The following CSNK1G1 variants were observed in gnomAD, a reference collection of about 807,000 sequenced individuals.
CSNK1G1 encodes casein kinase 1 gamma 1.
Under a neutral mutation model 59.6 loss-of-function variants are expected in CSNK1G1, and 22 were observed. The ratio of observed to expected loss-of-function variants is 0.37; its 90% CI spans 0.26 to 0.53. The LOEUF is 0.53. Among genes scored for constraint, CSNK1G1 ranks in the 20% least tolerant of loss-of-function variants. The probability of loss-of-function intolerance (pLI) is 0.89; values close to 1 mark genes in which losing one functional copy is unlikely to be tolerated. For missense variants in CSNK1G1, 384 were observed against 519.5 expected (o/e 0.74, Z 2.54); for synonymous variants, 179 against 177.1 (o/e 1.01, Z -0.08).
chr15:64,224,370 A>T (rs1341004609), intron 4 of CSNK1G1, among the ~76,000 whole-genome samples: 1 of 152,222 alleles, frequency 6.6e-6, no homozygotes, highest in Non-Finnish European at 1.5e-5. Context: ...ACCCTTAGCA[A>T]GAAATCAGAA....
chr15:64,269,695 T>C (rs1412032445), intron 2 of CSNK1G1, among the ~76,000 whole-genome samples: 1 of 152,164 alleles, frequency 6.6e-6, no homozygotes, highest in Admixed American at 6.6e-5. Context: ...GGTTTTGCCA[T>C]GTTGGCCAGA....
At chr15:64,191,179 A>C (rs1048551104) in intron 10 of CSNK1G1, among the ~76,000 whole-genome samples, 3 of 152,150 alleles carry the variant, frequency 2.0e-5, no homozygotes, top group African/African-American at 7.2e-5. Flanking sequence ...CTCCTGCCTC[A>C]GCCTCCCGAG....
chr15:64,180,687 C>G (rs1303575014), intron 10 of CSNK1G1, among the ~76,000 whole-genome samples: 1 of 152,206 alleles, frequency 6.6e-6, no homozygotes, highest in Non-Finnish European at 1.5e-5. Context: ...GTGTCTGACA[C>G]TCTGCTACAT....
chr15:64,301,881 C>T (rs1483407138), intron 1 of CSNK1G1, among the ~76,000 whole-genome samples: 2 of 150,136 alleles, frequency 1.3e-5, no homozygotes, highest in African/African-American at 2.5e-5. Context: ...AGTGAGACTC[C>T]GTCTCAAAAA....
At chr15:64,204,791 C>A in intron 8 of CSNK1G1, 74 bp downstream of exon 8, 2 of 1,163,070 alleles carry the variant, frequency 1.7e-6, no homozygotes, top group Non-Finnish European at 2.6e-6. Context: ...GCACCCCTAT[C>A]TAGAGATACC....
chr15:64,196,347 C>T (rs1430517425), intron 10 of CSNK1G1, among the ~76,000 whole-genome samples: 1 of 152,038 alleles, frequency 6.6e-6, no homozygotes, highest in Non-Finnish European at 1.5e-5. Flanking sequence ...CCAAACAGTA[C>T]TCAATTCAAT....
chr15:64,306,691 G>A (rs1487395664), intron 1 of CSNK1G1, among the ~76,000 whole-genome samples: 1 of 152,168 alleles, frequency 6.6e-6, no homozygotes, highest in Non-Finnish European at 1.5e-5. Flanking sequence ...AACGTTTACA[G>A]CAGCTTCATT....
At chr15:64,281,728 T>C (rs932864480) in intron 2 of CSNK1G1, among the ~76,000 whole-genome samples, 2 of 151,366 alleles carry the variant, frequency 1.3e-5, no homozygotes, top group Non-Finnish European at 2.9e-5. Flanking sequence ...TAATCTCTGC[T>C]ACTCAGGAGG....
intron 2 of CSNK1G1, among the ~76,000 whole-genome samples, chr15:64,299,461 G>A (rs1006876179): frequency 4.6e-5 from 7 of 151,818 alleles, no homozygotes; most frequent in Non-Finnish European, 1.5e-5. Flanking sequence ...GCGTGGTGGC[G>A]GATGCCTGTA....
At chr15:64,326,661 G>C (rs545125113) in intron 1 of CSNK1G1, among the ~76,000 whole-genome samples, 1 of 151,996 alleles carries the variant, frequency 6.6e-6, no homozygotes, top group East Asian at 1.9e-4. Context: ...AAAAAAGTAG[G>C]GGGGAGGAGC....
At chr15:64,241,985 A>C (rs1478818936) in intron 4 of CSNK1G1, among the ~76,000 whole-genome samples, 1 of 152,144 alleles carries the variant, frequency 6.6e-6, no homozygotes. Context: ...AAAAATGAGA[A>C]GACTCAAATA....
At position 64,169,630 on chromosome 15, in the gene CSNK1G1, A is replaced by G. The variant is rs1046744692; in HGVS notation, c.*2301T>C. ...GTAAGTTAGCAATGCCCAAATCCCA[A>G]CTGAGAAACGATGTAAATTTTAGTG... On this transcript the variant is annotated 3_prime_UTR_variant, in exon 12 of 12. Coordinates refer to ENST00000303052, the MANE Select transcript of CSNK1G1 (RefSeq NM_022048.5). 2 of 152,228 alleles carry G rather than the reference A, an allele frequency of 1.3e-5. No homozygotes were observed. The highest frequency in any genetic ancestry group is 2.9e-5 in the Non-Finnish European group (2 of 68,042). 9.4% of individuals were successfully genotyped at this position (152,228 alleles called of 1,614,324 possible).
At chr15:64,270,230 A>T (rs562220747) in intron 2 of CSNK1G1, among the ~76,000 whole-genome samples, 38 of 147,148 alleles carry the variant, frequency 2.6e-4, no homozygotes, top group Non-Finnish European at 5.4e-4. Flanking sequence ...CTATTTATCA[A>T]TTTTTTTTTT....
intron 1 of CSNK1G1, among the ~76,000 whole-genome samples, chr15:64,303,687 T>C (rs1288291683): frequency 2.7e-5 from 4 of 149,638 alleles, no homozygotes; most frequent in African/African-American, 2.5e-5. Context: ...AGGAGACAGG[T>C]TGCAGTGAGC....
At chr15:64,288,961 T>C (rs1894581760) in intron 2 of CSNK1G1, among the ~76,000 whole-genome samples, 1 of 151,868 alleles carries the variant, frequency 6.6e-6, no homozygotes, top group Admixed American at 6.6e-5. Flanking sequence ...GATCACCTGA[T>C]CTCAGGAGTT....
chr15:64,281,320 A>G (rs1417433803), intron 2 of CSNK1G1, among the ~76,000 whole-genome samples: 1 of 152,330 alleles, frequency 6.6e-6, no homozygotes, highest in East Asian at 1.9e-4. Context: ...GACAGAAAGT[A>G]GGGGCTGGGT....
chr15:64,222,314 T>A (rs1036650488), intron 4 of CSNK1G1, among the ~76,000 whole-genome samples: 1 of 150,832 alleles, frequency 6.6e-6, no homozygotes, highest in African/African-American at 2.4e-5. Flanking sequence ...AGAAGACGGG[T>A]CAATAGGTGT....
chr15:64,181,425 C>T (rs1224095970), intron 10 of CSNK1G1: 1 of 1,526,614 alleles, frequency 6.6e-7, no homozygotes. Context: ...TTGTTAAAGA[C>T]CTTGGCTGAA....
At chr15:64,306,888 G>A (rs542379285) in intron 1 of CSNK1G1, among the ~76,000 whole-genome samples, 1 of 149,804 alleles carries the variant, frequency 6.7e-6, no homozygotes, top group East Asian at 2.0e-4. Flanking sequence ...ATTTGAAAAA[G>A]CTAAATACTA....
Sources: gnomAD v4.1 joint callset for allele counts (sites outside exome capture counted in the v4.1 genomes callset) on GRCh38, gnomAD v4.1.1 for gene constraint, MANE v1.5 for transcripts, NCBI Gene and HGNC (gene_info 2026-07-23, HGNC 2026-07-21) for gene names.